CACNG3: variants seen among roughly 807,000 people sequenced by gnomAD.
CACNG3 encodes calcium voltage-gated channel auxiliary subunit gamma 3, also known as voltage-dependent calcium channel gamma-3 subunit.
CACNG3 carries 3 observed loss-of-function variants against 28.5 expected under a neutral mutation model. That is an observed-to-expected ratio of 0.11 (90% CI 0.05 to 0.27). CACNG3 has a LOEUF of 0.27. CACNG3 is among the 10% of genes least tolerant of loss of function. CACNG3 has a pLI of 1.00. For missense variants in CACNG3, 236 were observed against 414.4 expected (o/e 0.57, Z 3.74); for synonymous variants, 174 against 162.2 (o/e 1.07, Z -0.55).
chr16:24,346,998 T>C (rs190141813), intron 2 of CACNG3, among the ~76,000 whole-genome samples, 181 bp downstream of exon 2: 1 of 152,006 alleles, frequency 6.6e-6, no homozygotes, highest in Non-Finnish European at 1.5e-5. Context: ...CCTCTTTAGT[T>C]TCAATGAATT....
In CACNG3 at chr16:24,298,046, G is replaced by A. The variant is rs1295282900; in HGVS notation, c.211+41081G>A. On this transcript the variant is annotated intron_variant, in intron 1 of 3. Coordinates refer to ENST00000005284, the MANE Select transcript of CACNG3 (RefSeq NM_006539.4). ...GTAATTGCTTTTCTTTATTACAGAA[G>A]CAATGCATTATTCACTATAGAAAAT... Among the ~76,000 whole-genome samples, 3 of 151,366 alleles carry A rather than the reference G, an allele frequency of 2.0e-5. No individual in the cohort carries two copies. In the East Asian group the frequency reaches 5.8e-4, roughly 29 times the overall value.
chr16:24,287,514 CAAAAAAAAAA>C (rs748719520), intron 1 of CACNG3, among the ~76,000 whole-genome samples: 4 of 31,296 alleles, frequency 1.3e-4, no homozygotes, highest in South Asian at 1.0e-3. Flanking sequence ...CGAGACTCTC[CAAAAAAAAAA>C]AAAAAAAAAA....
intron 1 of CACNG3, among the ~76,000 whole-genome samples, chr16:24,340,182 G>A (rs1899764921): frequency 6.6e-6 from 1 of 152,050 alleles, no homozygotes; most frequent in African/African-American, 2.4e-5. Context: ...GAGGTGGGAG[G>A]ATCGCTTGAA....
intron 1 of CACNG3, among the ~76,000 whole-genome samples, chr16:24,300,256 G>T (rs72781842): frequency 6.6e-6 from 1 of 151,888 alleles, no homozygotes; most frequent in African/African-American, 2.4e-5. Context: ...CCCAATTTAC[G>T]GCCCATAGAC....
chr16:24,321,352 CAGG>C (rs1899454374), intron 1 of CACNG3, among the ~76,000 whole-genome samples: 1 of 152,066 alleles, frequency 6.6e-6, no homozygotes, highest in African/African-American at 2.4e-5. Flanking sequence ...GAGGCTGAGG[CAGG>C]AGAATTGCTT....
Position 24,284,006 on chromosome 16 carries a change from T to C in CACNG3, c.211+27041T>C, listed in dbSNP as rs994012152. ...TATGGAGATTTACATTTTTGATAGT[T>C]ATTGAGATTATAAGTTTTATCCTCT... On this transcript the variant is annotated intron_variant, in intron 1 of 3. Coordinates refer to ENST00000005284, the MANE Select transcript of CACNG3 (RefSeq NM_006539.4). 2.0e-5 allele frequency among the ~76,000 whole-genome samples: 3 copies of C among 152,210 alleles called. No homozygotes were observed. In the East Asian group the frequency reaches 5.8e-4, roughly 29 times the overall value.
At chr16:24,358,661 A>T (rs1474915915) in intron 3 of CACNG3, among the ~76,000 whole-genome samples, 1 of 152,204 alleles carries the variant, frequency 6.6e-6, no homozygotes, top group East Asian at 1.9e-4. Context: ...TGAAAGTAGG[A>T]AAAAGCAATT....
intron 1 of CACNG3, among the ~76,000 whole-genome samples, chr16:24,337,656 A>G (rs1899730239): frequency 6.6e-6 from 1 of 150,786 alleles, no homozygotes; most frequent in African/African-American, 2.4e-5. Flanking sequence ...ATTGTTAATA[A>G]TAATAATAAT....
At chr16:24,335,282 T>G (rs1372202649) in intron 1 of CACNG3, among the ~76,000 whole-genome samples, 1 of 151,998 alleles carries the variant, frequency 6.6e-6, no homozygotes, top group African/African-American at 2.4e-5. Context: ...TAGCTGGGCG[T>G]GGTGGCGGGC....
intron 1 of CACNG3, among the ~76,000 whole-genome samples, chr16:24,258,349 G>T (rs940704303): frequency 3.3e-5 from 5 of 152,176 alleles, no homozygotes; most frequent in Non-Finnish European, 7.3e-5. Flanking sequence ...AGCCCAGGTA[G>T]GAAAGGGCTA....
intron 2 of CACNG3, among the ~76,000 whole-genome samples, chr16:24,353,375 G>C (rs1458036737): frequency 1.3e-5 from 2 of 152,112 alleles, no homozygotes; most frequent in African/African-American, 4.8e-5. Flanking sequence ...CAGGACCCCT[G>C]GCTCCTTGGT....
chr16:24,273,957 A>G (rs1466420446), intron 1 of CACNG3, among the ~76,000 whole-genome samples: 1 of 152,060 alleles, frequency 6.6e-6, no homozygotes, highest in Non-Finnish European at 1.5e-5. Context: ...CTGCCTCCTC[A>G]GTATAGTATA....
intron 1 of CACNG3, among the ~76,000 whole-genome samples, chr16:24,297,786 A>G (rs1899051696): frequency 6.6e-6 from 1 of 152,138 alleles, no homozygotes; most frequent in Non-Finnish European, 1.5e-5. Context: ...TCTCCACCCC[A>G]TGTGAGCCCT....
chr16:24,274,625 A>G (rs1746354003), intron 1 of CACNG3, among the ~76,000 whole-genome samples: 1 of 152,184 alleles, frequency 6.6e-6, no homozygotes, highest in Non-Finnish European at 1.5e-5. Flanking sequence ...AACAAGATTT[A>G]TGGCATATGA....
chr16:24,289,632 GTT>G (rs1898939979), intron 1 of CACNG3, among the ~76,000 whole-genome samples: 1 of 152,146 alleles, frequency 6.6e-6, no homozygotes, highest in Non-Finnish European at 1.5e-5. Flanking sequence ...TCCCTACAGG[GTT>G]CACTCTGAGA....
chr16:24,298,338 A>G (rs568525895), intron 1 of CACNG3, among the ~76,000 whole-genome samples: 91 of 152,252 alleles, frequency 6.0e-4, no homozygotes, highest in African/African-American at 2.1e-3. Flanking sequence ...AATGTACCAT[A>G]AATTATTTAG....
chr16:24,304,817 C>T (rs1230875823), intron 1 of CACNG3, among the ~76,000 whole-genome samples: 4 of 152,210 alleles, frequency 2.6e-5, no homozygotes, highest in Non-Finnish European at 5.9e-5. Context: ...CCGCCTCATC[C>T]TCCCAAAGTG....
chr16:24,300,097 A>T (rs1899085778), intron 1 of CACNG3, among the ~76,000 whole-genome samples: 1 of 152,134 alleles, frequency 6.6e-6, no homozygotes, highest in African/African-American at 2.4e-5. Context: ...AGACCACGAA[A>T]ATTAAAGAAT....
intron 1 of CACNG3, among the ~76,000 whole-genome samples, chr16:24,268,072 C>T (rs767860412): frequency 6.8e-6 from 1 of 147,344 alleles, no homozygotes; most frequent in Non-Finnish European, 1.5e-5. Context: ...TATTATTTAA[C>T]CCTCCTGATT....
Sources: gnomAD v4.1 joint callset for allele counts (sites outside exome capture counted in the v4.1 genomes callset) on GRCh38, gnomAD v4.1.1 for gene constraint, MANE v1.5 for transcripts, NCBI Gene and HGNC (gene_info 2026-07-23, HGNC 2026-07-21) for gene names.